The following CFAP20DC variants were observed in gnomAD, a reference collection of about 807,000 sequenced individuals.
CFAP20DC encodes the protein CFAP20 domain containing.
A neutral mutation model predicts 101.7 loss-of-function variants in CFAP20DC; 84 were observed. The observed-to-expected ratio is 0.83, with a 90% CI of 0.69 to 0.99. The LOEUF (loss-of-function observed/expected upper bound fraction) is 0.99. CFAP20DC is among the 50% of genes least tolerant of loss of function. The pLI is 0.00. For missense variants in CFAP20DC, 1,007 were observed against 970.3 expected, an observed-to-expected ratio of 1.04 and a Z score of -0.50; for synonymous variants, 359 against 351.2, an observed-to-expected ratio of 1.02 and a Z score of -0.25.
chr3:58,734,455 A>G (rs1286755304), intron 3 of CFAP20DC: 1 of 439,450 alleles, frequency 2.3e-6, no homozygotes, highest in African/African-American at 2.0e-5. Context: ...ACCAGTGAAC[A>G]TTTACTGAGT....
intron 4 of CFAP20DC, among the ~76,000 whole-genome samples, chr3:58,958,661 AGGTATTATCTCATTAT>A (rs1329884562): frequency 8.5e-5 from 13 of 152,194 alleles, no homozygotes; most frequent in African/African-American, 2.9e-4. Context: ...AGTGGGTGTG[AGGTATTATCTCATTAT>A]GGCTTTAATT....
chr3:58,940,711 C>A (rs2088429011), intron 4 of CFAP20DC, among the ~76,000 whole-genome samples: 1 of 152,068 alleles, frequency 6.6e-6, no homozygotes, highest in Admixed American at 6.5e-5. Context: ...GTCTTGAAAC[C>A]AGGTAAAGAA....
In CFAP20DC at chr3:58,986,600, G is replaced by C. The variant is rs555946921; in HGVS notation, c.279-48838C>G. Among the ~76,000 whole-genome samples, 7 of 152,200 alleles carry C rather than the reference G, an allele frequency of 4.6e-5. No individual in the cohort carries two copies. In the South Asian group the frequency reaches 6.2e-4, roughly 14 times the overall value. On this transcript the variant is annotated intron_variant, in intron 4 of 16. Coordinates refer to ENST00000482387, the MANE Select transcript of CFAP20DC (RefSeq NM_001394063.1). ...TTTGGGTTGGGTTGAGTAAAAAGTC[G>C]ACTGTGAGAAATTAAGTCCTTAAGA...
intron 15 of CFAP20DC, among the ~76,000 whole-genome samples, chr3:58,790,081 C>A (rs1204905318): frequency 6.6e-6 from 1 of 152,026 alleles, no homozygotes; most frequent in Non-Finnish European, 1.5e-5. Context: ...GAGAAAAATG[C>A]ACAAATCATA....
At chr3:58,854,179 G>C (rs565556580) in intron 12 of CFAP20DC, among the ~76,000 whole-genome samples, 2 of 151,842 alleles carry the variant, frequency 1.3e-5, no homozygotes, top group East Asian at 1.9e-4. Context: ...CAAGCATTCT[G>C]ATACACCAAC....
Position 58,790,880 on chromosome 3 carries a change from T to C in CFAP20DC, c.2237+15515A>G, listed in dbSNP as rs112841293. Among the ~76,000 whole-genome samples the C allele has an allele frequency of 1.2e-4, 19 of 152,198 alleles. 1 individual carries two copies. Among genetic ancestry groups the C allele is most frequent in the African/African-American group, 4.6e-4 (19 of 41,544 alleles). The stretch of plus-strand genomic sequence containing the variant: ...GGACTGGAGTGAGAAAATGTGAGAC[T>C]AGAGGAGAAAACAGAGCAACCCAGA... On this transcript the variant is annotated intron_variant, in intron 15 of 16. Coordinates refer to ENST00000482387, the MANE Select transcript of CFAP20DC (RefSeq NM_001394063.1).
At chr3:59,023,874 G>C (rs1422721155) in intron 4 of CFAP20DC, among the ~76,000 whole-genome samples, 1 of 151,988 alleles carries the variant, frequency 6.6e-6, no homozygotes. Flanking sequence ...CCATATCAGT[G>C]GATTTCAACC....
At chr3:58,770,726 C>A (rs187534146) in intron 15 of CFAP20DC, among the ~76,000 whole-genome samples, 7 of 152,274 alleles carry the variant, frequency 4.6e-5, no homozygotes, top group African/African-American at 1.7e-4. Context: ...TATGAAGGCG[C>A]TGGGGACCTA....
intron 15 of CFAP20DC, among the ~76,000 whole-genome samples, chr3:58,800,753 G>A (rs1481095674): frequency 6.6e-6 from 1 of 152,052 alleles, no homozygotes; most frequent in African/African-American, 2.4e-5. Context: ...TTTAAACTCT[G>A]TCCAAACCAG....
At position 58,902,861 on chromosome 3, in the gene CFAP20DC, T is replaced by G. The variant is rs564408297; in HGVS notation, c.550+10847A>C. Among the ~76,000 whole-genome samples, 7 of 152,284 alleles carry G rather than the reference T, an allele frequency of 4.6e-5. No individual in the cohort carries two copies. The South Asian group carries it at 6.2e-4, about 14-fold the overall frequency. On this transcript the variant is annotated intron_variant, in intron 6 of 16. Coordinates refer to ENST00000482387, the MANE Select transcript of CFAP20DC (RefSeq NM_001394063.1). ...AATGCTAGGAAATAGTTATACACAC[T>G]GTTTATTTGTATTACTTTTATTGTT...
chr3:58,808,497 T>C (rs1210225433), intron 14 of CFAP20DC, among the ~76,000 whole-genome samples: 3 of 152,148 alleles, frequency 2.0e-5, no homozygotes, highest in Non-Finnish European at 2.9e-5. Flanking sequence ...TAAAATCCTT[T>C]ACAGACAAGC....
At chr3:58,940,440 T>C (rs2088377428) in intron 4 of CFAP20DC, among the ~76,000 whole-genome samples, 1 of 152,222 alleles carries the variant, frequency 6.6e-6, no homozygotes, top group South Asian at 2.1e-4. Flanking sequence ...TCGTCCCAAA[T>C]TAGTTTCTGT....
chr3:58,960,932 T>C (rs2091080480), intron 4 of CFAP20DC, among the ~76,000 whole-genome samples: 1 of 152,176 alleles, frequency 6.6e-6, no homozygotes, highest in Non-Finnish European at 1.5e-5. Flanking sequence ...TCCTAGTTTG[T>C]GGAAAGTTTT....
rs141433738 is a variant in CFAP20DC, at chr3:58,720,504, TCTGA to T, written c.198-2880_198-2877del. Among the ~76,000 whole-genome samples, 776 of 152,318 alleles carry T rather than the reference TCTGA, an allele frequency of 5.1e-3. 7 individuals carry two copies. The highest frequency in any genetic ancestry group is 0.018 in the African/African-American group (739 of 41,570). On this transcript the variant is annotated intron_variant, in intron 3 of 3. Coordinates refer to the CFAP20DC transcript ENST00000486145. Reference sequence around the variant, plus strand: ...ATACCTCCAGAGGCTTATTAACTGCTCTGACTTTTAGTCTGCTGGGTGGAACAGG... The same window carrying T: ...ATACCTCCAGAGGCTTATTAACTGCTCTTTTAGTCTGCTGGGTGGAACAGG...
At chr3:58,935,767 T>C (rs535516005) in intron 5 of CFAP20DC, among the ~76,000 whole-genome samples, 146 of 152,280 alleles carry the variant, frequency 9.6e-4, no homozygotes, top group Middle Eastern at 3.4e-3. Flanking sequence ...TATACAAAAA[T>C]TAATTCAAGG....
intron 5 of CFAP20DC, 59 bp downstream of exon 5, chr3:58,937,589 A>C (rs369007424): frequency 1.9e-6 from 2 of 1,043,648 alleles, no homozygotes; most frequent in Admixed American, 1.7e-5. Context: ...GAGTCAGCCC[A>C]TAAGTAATAT....
intron 4 of CFAP20DC, among the ~76,000 whole-genome samples, chr3:58,996,819 G>C (rs898187305): frequency 1.3e-5 from 2 of 152,204 alleles, no homozygotes; most frequent in African/African-American, 4.8e-5. Flanking sequence ...CATTGTTCTA[G>C]GTAATTCTAG....
At chr3:58,849,732 C>A (rs191966859) in intron 12 of CFAP20DC, among the ~76,000 whole-genome samples, 7 of 152,216 alleles carry the variant, frequency 4.6e-5, no homozygotes, top group Admixed American at 3.9e-4. Context: ...GGATCCAGAG[C>A]AAGTCATCTA....
At chr3:58,948,224 C>A (rs1460262976) in intron 4 of CFAP20DC, among the ~76,000 whole-genome samples, 2 of 152,194 alleles carry the variant, frequency 1.3e-5, no homozygotes, top group Non-Finnish European at 2.9e-5. Flanking sequence ...GTATGACATT[C>A]TTTTCTATTT....
Sources: allele counts gnomAD v4.1 joint callset (sites outside exome capture counted in the v4.1 genomes callset), GRCh38; gene constraint gnomAD v4.1.1; transcripts MANE v1.5; gene names NCBI Gene and HGNC (gene_info 2026-07-23, HGNC 2026-07-21).